GPM6A: variants seen among roughly 807,000 people sequenced by gnomAD.
GPM6A encodes the protein neuronal membrane glycoprotein M6-a.
Under a neutral mutation model 32.1 loss-of-function variants are expected in GPM6A, and 7 were observed. The ratio of observed to expected loss-of-function variants is 0.22; its 90% CI spans 0.12 to 0.41. GPM6A has a LOEUF of 0.41. GPM6A is among the 10% of genes least tolerant of loss of function. The pLI is 1.00. For synonymous variants in GPM6A, 130 were observed against 123.4 expected (o/e 1.05, Z -0.35); for missense variants, 235 against 347.2 (o/e 0.68, Z 2.57).
chr4:175,699,714 A>T (rs1212554105), intron 2 of GPM6A, among the ~76,000 whole-genome samples: 1 of 151,810 alleles, frequency 6.6e-6, no homozygotes, highest in Non-Finnish European at 1.5e-5. Context: ...TTATTTTCTT[A>T]TCAGTCTTTC....
chr4:175,914,314 A>G (rs971397817), intron 1 of GPM6A, among the ~76,000 whole-genome samples: 1 of 152,040 alleles, frequency 6.6e-6, no homozygotes, highest in Non-Finnish European at 1.5e-5. Flanking sequence ...GCAAATCAGC[A>G]TTTTGTTTTG....
intron 1 of GPM6A, among the ~76,000 whole-genome samples, chr4:175,826,109 A>G (rs993821388): frequency 2.0e-5 from 3 of 151,974 alleles, no homozygotes; most frequent in African/African-American, 7.3e-5. Flanking sequence ...GTAGTGAGCC[A>G]TGTTCATGTC....
rs372131551 is a variant in GPM6A, at chr4:175,694,974, A to G, written c.230+6601T>C. Among the ~76,000 whole-genome samples, 390 of 152,266 alleles carry G rather than the reference A, an allele frequency of 2.6e-3. 5 individuals are homozygous for G. The highest frequency in any genetic ancestry group is 9.0e-3 in the African/African-American group (375 of 41,562). ...AGCTACTCCCACTCCAGCCATGGCTAAAAGACCCCCAAGTATACAACTCGG... is the reference window on the plus strand; with the variant it reads ...AGCTACTCCCACTCCAGCCATGGCTGAAAGACCCCCAAGTATACAACTCGG... On this transcript the variant is annotated intron_variant, in intron 2 of 6. Transcript: ENST00000393658.
chr4:175,686,494 G>A (rs907361270), intron 2 of GPM6A, among the ~76,000 whole-genome samples: 22 of 152,158 alleles, frequency 1.4e-4, no homozygotes, highest in Non-Finnish European at 1.3e-4. Flanking sequence ...CAGGGAGGGG[G>A]TTCAGAGAGA....
rs376944274 is a variant in GPM6A, at chr4:175,953,030, TA to T, written c.-23+49278del. ...GGGCGACAGAACAAGACCCTGTTTT[TA>T]AAAAAAAAAAAAAAAGGAGAGAAAA... On this transcript the variant is annotated intron_variant, in intron 1 of 7. Coordinates refer to the GPM6A transcript ENST00000280187. 3.8e-3 allele frequency among the ~76,000 whole-genome samples: 519 copies of T among 135,406 alleles called. 2 individuals are homozygous for T. The highest frequency in any genetic ancestry group is 0.012 in the African/African-American group (432 of 37,224). The allele number at this position is 135,406 out of a possible 152,430, so 88.8% of individuals were successfully genotyped here.
In GPM6A at chr4:175,634,671, T is replaced by C. The variant is rs952074796; in HGVS notation, c.*234A>G. The C allele has an allele frequency of 6.8e-5, 29 of 428,094 alleles. No individual in the cohort carries two copies. The highest frequency in any genetic ancestry group is 1.1e-4 in the Non-Finnish European group (26 of 241,614). 26.5% of individuals were successfully genotyped at this position (428,094 alleles called of 1,614,324 possible). ...AGAACTAGTAAATGAGTTTGAGAAATTTCAAAAAAAAGGCTGGATAGGAGC... is the reference window on the plus strand; with the variant it reads ...AGAACTAGTAAATGAGTTTGAGAAACTTCAAAAAAAAGGCTGGATAGGAGC... On this transcript the variant is annotated 3_prime_UTR_variant, in exon 7 of 7. Coordinates refer to ENST00000393658, the MANE Select transcript of GPM6A (RefSeq NM_201591.3).
intron 3 of GPM6A, 74 bp downstream of exon 3, chr4:175,673,606 G>T: frequency 9.8e-7 from 1 of 1,021,644 alleles, no homozygotes; most frequent in Non-Finnish European, 1.4e-6. Flanking sequence ...TTAATTCTTG[G>T]GAGATGAATG....
intron 1 of GPM6A, among the ~76,000 whole-genome samples, chr4:175,958,340 CA>C (rs1740055062): frequency 6.6e-6 from 1 of 152,182 alleles, no homozygotes; most frequent in African/African-American, 2.4e-5. Context: ...AAAATCTCCA[CA>C]AAGTTTAGGA....
At chr4:175,893,362 T>C (rs1737703623) in intron 1 of GPM6A, among the ~76,000 whole-genome samples, 3 of 152,232 alleles carry the variant, frequency 2.0e-5, no homozygotes, top group Admixed American at 1.3e-4. Context: ...CAGCGTTTTT[T>C]ATTTTTTGAA....
intron 1 of GPM6A, among the ~76,000 whole-genome samples, chr4:175,962,947 G>C (rs1331824787): frequency 1.3e-5 from 2 of 151,834 alleles, no homozygotes; most frequent in African/African-American, 4.8e-5. Context: ...AGAACAGATG[G>C]GTAATGTAAG....
intron 1 of GPM6A, among the ~76,000 whole-genome samples, chr4:175,844,976 T>C (rs1365385893): frequency 2.0e-5 from 3 of 152,150 alleles, no homozygotes; most frequent in Non-Finnish European, 2.9e-5. Flanking sequence ...AGCTGTATTA[T>C]ATTTTGCATA....
chr4:175,987,636 C>G (rs866129933), intron 1 of GPM6A, among the ~76,000 whole-genome samples: 1 of 151,932 alleles, frequency 6.6e-6, no homozygotes, highest in East Asian at 1.9e-4. Flanking sequence ...TTCATCTCAA[C>G]AACTCCACGA....
At chr4:175,921,962 G>A (rs536789210) in intron 1 of GPM6A, among the ~76,000 whole-genome samples, 1 of 152,252 alleles carries the variant, frequency 6.6e-6, no homozygotes, top group South Asian at 2.1e-4. Context: ...AGAATGGGAG[G>A]GTAATCTGCT....
At chr4:175,762,420 T>C (rs979920078) in intron 1 of GPM6A, among the ~76,000 whole-genome samples, 29 of 152,190 alleles carry the variant, frequency 1.9e-4, no homozygotes, top group Non-Finnish European at 4.1e-4. Flanking sequence ...AGCACTAACA[T>C]TCACAATACG....
intron 1 of GPM6A, among the ~76,000 whole-genome samples, chr4:175,940,924 G>A (rs575451385): frequency 2.3e-4 from 35 of 152,284 alleles, no homozygotes; most frequent in Admixed American, 1.8e-3. Context: ...CTTTAACTAC[G>A]TTGGCACAGT....
At chr4:175,784,023 C>T (rs765659564) in intron 1 of GPM6A, among the ~76,000 whole-genome samples, 7 of 151,824 alleles carry the variant, frequency 4.6e-5, no homozygotes, top group East Asian at 1.9e-4. Context: ...TAGTTTGAAA[C>T]GGGAAAAATA....
intron 1 of GPM6A, among the ~76,000 whole-genome samples, chr4:175,921,835 A>T (rs1339032202): frequency 6.6e-6 from 1 of 152,226 alleles, no homozygotes; most frequent in African/African-American, 2.4e-5. Flanking sequence ...ACAGCTAACA[A>T]AAATGGCAAC....
chr4:175,839,508 A>T (rs2111382428), intron 1 of GPM6A, among the ~76,000 whole-genome samples: 1 of 152,342 alleles, frequency 6.6e-6, no homozygotes, highest in Middle Eastern at 3.4e-3. Flanking sequence ...GAAAATCTAA[A>T]GTCAAGCCAT....
In GPM6A at chr4:175,995,618, C is replaced by A. The variant is rs1387246321; in HGVS notation, c.-23+6691G>T. On this transcript the variant is annotated intron_variant, in intron 1 of 7. Coordinates refer to the GPM6A transcript ENST00000280187. ...ATGTTAAAATTGCAGGTCCAGCTCTCAAGCCCAAGCCTTCTGAATCTGAGT... is the reference window on the plus strand; with the variant it reads ...ATGTTAAAATTGCAGGTCCAGCTCTAAAGCCCAAGCCTTCTGAATCTGAGT... 2.0e-5 allele frequency among the ~76,000 whole-genome samples: 3 copies of A among 152,076 alleles called. No individual in the cohort carries two copies. In the South Asian group the frequency reaches 6.2e-4, roughly 32 times the overall value.
Sources: allele counts gnomAD v4.1 joint callset (sites outside exome capture counted in the v4.1 genomes callset), GRCh38; gene constraint gnomAD v4.1.1; transcripts MANE v1.5; gene names NCBI Gene and HGNC (gene_info 2026-07-23, HGNC 2026-07-21).